Variants in SIDT2 observed in about 807,000 individuals in gnomAD.
SIDT2 encodes the protein SID1 transmembrane family member 2.
In SIDT2, 68 loss-of-function variants were observed where a neutral mutation model predicts 114.4. The observed-to-expected ratio is 0.59, with a 90% CI of 0.49 to 0.73. SIDT2 has a LOEUF of 0.73. SIDT2 is among the 30% of genes least tolerant of loss of function. The pLI, the probability that SIDT2 is intolerant of heterozygous loss-of-function variation, is 0.00. For missense variants in SIDT2, 918 were observed against 1,097.1 expected, an observed-to-expected ratio of 0.84 and a Z score of 2.31; for synonymous variants, 470 against 438.4, an observed-to-expected ratio of 1.07 and a Z score of -0.90.
chr11:117,194,760 G>A (rs1784042), intron 24 of SIDT2, among the ~76,000 whole-genome samples: 43,878 of 152,002 alleles, frequency 0.29, 7,878 homozygotes, highest in Non-Finnish European at 0.4. Flanking sequence ...AAAGCTTCCT[G>A]GAAAAAGTGC....
chr11:117,183,844 C>CG lies in SIDT2; in HGVS notation c.773dup (p.Ser259LeufsTer11). The stretch of plus-strand genomic sequence containing the variant: ...TGGTGAAGACCGAAGACCAAGCCTG[C>CG]GGGGGCTCCCTGCCTTTCTACCCCT... On this transcript the variant is annotated frameshift_variant, in exon 7 of 26. Coordinates refer to ENST00000324225, the MANE Select transcript of SIDT2 (RefSeq NM_001040455.2). LOFTEE classifies it high-confidence loss of function. The CG allele has an allele frequency of 6.2e-7, 1 of 1,613,898 alleles. No individual in the cohort carries two copies. Among genetic ancestry groups the CG allele is most frequent in the Non-Finnish European group, 8.5e-7 (1 of 1,179,854 alleles).
chr11:117,179,601 C>T (rs908160096), intron 1 of SIDT2, 155 bp downstream of exon 1: 3 of 689,448 alleles, frequency 4.4e-6, no homozygotes, highest in Non-Finnish European at 7.0e-6. Flanking sequence ...CTTGACCAGT[C>T]CTCCTTCCTT....
Position 117,189,545 on chromosome 11 carries a change from G to A in SIDT2, c.1419+144G>A, listed in dbSNP as rs145493951. ...TGCCTTCCCAGCCGAGTGACCCAGG[G>A]CAAATCACATAACCCCCCCAACCCT... On this transcript the variant is annotated intron_variant, in intron 15 of 25. Coordinates refer to ENST00000324225, the MANE Select transcript of SIDT2 (RefSeq NM_001040455.2). 2.2e-3 allele frequency: 1,886 copies of A among 838,732 alleles called. 7 individuals carry two copies. Among genetic ancestry groups the A allele is most frequent in the Middle Eastern group, 0.012 (33 of 2,784 alleles). The allele number at this position is 838,732 out of a possible 1,614,324, so 52.0% of individuals were successfully genotyped here.
At chr11:117,187,485 C>T in intron 11 of SIDT2, 36 bp downstream of exon 11, 2 of 1,609,012 alleles carry the variant, frequency 1.2e-6, no homozygotes, top group South Asian at 2.2e-5. Flanking sequence ...TTGCTGGGGA[C>T]ATGACCTTGT....
chr11:117,180,177 G>GCT (rs1178787422), intron 1 of SIDT2, among the ~76,000 whole-genome samples: 1 of 152,150 alleles, frequency 6.6e-6, no homozygotes, highest in Non-Finnish European at 1.5e-5. Flanking sequence ...CGGGTCTCTT[G>GCT]CTCTCTCTCC....
chr11:117,194,790 A>G (rs1481519024), intron 24 of SIDT2, among the ~76,000 whole-genome samples: 1 of 152,012 alleles, frequency 6.6e-6, no homozygotes, highest in African/African-American at 2.4e-5. Context: ...TGGGCTATAA[A>G]AGTCTTGGGT....
At chr11:117,184,599 A>G (rs2030423627) in intron 8 of SIDT2, among the ~76,000 whole-genome samples, 1 of 152,200 alleles carries the variant, frequency 6.6e-6, no homozygotes, top group Non-Finnish European at 1.5e-5. Context: ...CTAAGTTATG[A>G]GGGCTAGCAC....
chr11:117,181,742 C>T (rs2030293668), intron 2 of SIDT2, 65 bp from the exon 3 acceptor site: 1 of 1,607,928 alleles, frequency 6.2e-7, no homozygotes, highest in Middle Eastern at 1.7e-4. Flanking sequence ...TGGGGCCTCG[C>T]TCCTCTGGAG....
intron 1 of SIDT2, among the ~76,000 whole-genome samples, chr11:117,180,479 C>G (rs2030237636): frequency 6.6e-6 from 1 of 151,564 alleles, no homozygotes; most frequent in South Asian, 2.1e-4. Flanking sequence ...CCTTTAAGCT[C>G]CCATTGTTTA....
Position 117,179,460 on chromosome 11 carries a change from G to A in SIDT2, c.183+14G>A, listed in dbSNP as rs754889855. The A allele has an allele frequency of 2.5e-6, 4 of 1,608,408 alleles. No homozygotes were observed. In the African/African-American group the frequency reaches 4.0e-5, roughly 16 times the overall value. ...ACCCGCAACAGGGTGAGGGCTGGGG[G>A]CTTAGGGGCCAGAGGCGAGTGGGGA... On this transcript the variant is annotated intron_variant, in intron 1 of 25. Transcript: ENST00000324225.
At chr11:117,191,740 C>A in intron 18 of SIDT2, 138 bp from the exon 19 acceptor site, 1 of 1,224,186 alleles carries the variant, frequency 8.2e-7, no homozygotes, top group Non-Finnish European at 1.1e-6. Context: ...AGTTCAAGTG[C>A]CACCCTGCCA....
At chr11:117,189,466 C>T (rs2030622122) in intron 15 of SIDT2, 65 bp downstream of exon 15, 1 of 1,541,088 alleles carries the variant, frequency 6.5e-7, no homozygotes, top group South Asian at 1.2e-5. Context: ...TGCAGAGCCT[C>T]CCAGCCTGGG....
rs2030496619 is a variant in SIDT2, at chr11:117,186,340, A to ATGG, written c.962+121_962+123dup. 3 of 942,904 alleles carry ATGG rather than the reference A, an allele frequency of 3.2e-6. No individual in the cohort carries two copies. In the Admixed American group the frequency reaches 6.0e-5, roughly 19 times the overall value. 58.4% of individuals were successfully genotyped at this position (942,904 alleles called of 1,614,324 possible). On this transcript the variant is annotated intron_variant, in intron 9 of 25. Transcript: ENST00000324225. The stretch of plus-strand genomic sequence containing the variant: ...TAATCTACACCATCCATAGCAGATG[A>ATGG]TGGTGGGGCTGTTAGAGTCTGTGGC...
At position 117,190,224 on chromosome 11, in the gene SIDT2, C is replaced by A; in HGVS notation, c.1552C>A (p.Leu518Ile). ...GYILLGLLFL[L>I]IILQREINHN... is the part of the protein sequence containing the mutation. ...CATCCTGCTGGGGCTGCTTTTCCTG[C>A]TCATCATCCTGCAACGGGAGATCAA... The change falls in exon 17 of 26, where the codon CTC becomes ATC. Residue 518 changes from leucine to isoleucine, a missense_variant. Physicochemically the swap from Leu to Ile is conservative, Grantham distance 5. Coordinates refer to ENST00000324225, the MANE Select transcript of SIDT2 (RefSeq NM_001040455.2). This position sits in a 1 kb window ranked among gnomAD's most constrained non-coding sequence, Gnocchi z 4.1. 6.3e-7 allele frequency: 1 copy of A among 1,579,876 alleles called. No homozygotes were observed. The highest frequency in any genetic ancestry group is 1.8e-5 in the Admixed American group (1 of 55,528).
chr11:117,187,258 T>G (rs574359657), intron 10 of SIDT2, 120 bp from the exon 11 acceptor site: 2 of 1,060,404 alleles, frequency 1.9e-6, no homozygotes, highest in East Asian at 4.7e-5. Context: ...TAGGTGCTGC[T>G]TCTCGTCTGC....
intron 2 of SIDT2, 63 bp from the exon 3 acceptor site, chr11:117,181,744 C>T (rs1327532771): frequency 1.6e-5 from 26 of 1,609,858 alleles, no homozygotes; most frequent in Admixed American, 3.3e-5. Flanking sequence ...GGGCCTCGCT[C>T]CTCTGGAGGG....
chr11:117,193,307 GGA>G, intron 23 of SIDT2, 49 bp downstream of exon 23: 3 of 1,472,494 alleles, frequency 2.0e-6, no homozygotes, highest in Non-Finnish European at 2.8e-6. Flanking sequence ...TGCTATCTGG[GGA>G]GAGAGATGGG....
chr11:117,187,825 C>T, intron 12 of SIDT2, 126 bp downstream of exon 12: 1 of 862,866 alleles, frequency 1.2e-6, no homozygotes, highest in East Asian at 2.5e-5. Flanking sequence ...GTCTTCCTAA[C>T]CCCTCTCTTC....
chr11:117,187,897 G>C (rs776326099), intron 12 of SIDT2, 198 bp downstream of exon 12: 15 of 701,700 alleles, frequency 2.1e-5, no homozygotes, highest in Admixed American at 1.2e-4. Flanking sequence ...TGAAGGGCAC[G>C]ACCAGTTCAA....
Sources: gnomAD v4.1 joint callset for allele counts (sites outside exome capture counted in the v4.1 genomes callset) on GRCh38, gnomAD v4.1.1 for gene constraint, Gnocchi (gnomAD v3.1) non-coding constraint, MANE v1.5 for transcripts, NCBI Gene and HGNC (gene_info 2026-07-23, HGNC 2026-07-21) for gene names.